Variants in TACR3 observed in about 807,000 individuals in gnomAD.
The protein encoded by TACR3 is tachykinin receptor 3.
TACR3 carries 34 observed loss-of-function variants against 35.0 expected under a neutral mutation model. The observed-to-expected ratio is 0.97, with a 90% confidence interval of 0.74 to 1.30. The LOEUF is 1.30. Among genes scored for constraint, TACR3 ranks in the 50% most tolerant of loss-of-function variants. TACR3 has a pLI of 0.00. For missense variants in TACR3, 558 were observed against 591.7 expected, an observed-to-expected ratio of 0.94 and a Z score of 0.59; for synonymous variants, 233 against 221.1, an observed-to-expected ratio of 1.05 and a Z score of -0.48.
rs540703874 is a variant in TACR3 at position 103,706,016 on chromosome 4, G to A, written c.548+13112C>T. On this transcript the variant is annotated intron_variant, in intron 1 of 4. Coordinates refer to ENST00000304883, the MANE Select transcript of TACR3 (RefSeq NM_001059.3). ...ATTAGGGTAGGTTAAGCCTGGATGC[G>A]GGGAGACCAATTAGGCAATTTTAGT... 1.3e-4 allele frequency among the ~76,000 whole-genome samples: 20 copies of A among 152,246 alleles called. No homozygotes were observed. In the South Asian group the frequency reaches 1.7e-3, roughly 13 times the overall value.
At chr4:103,652,166 G>A (rs1284857398) in intron 3 of TACR3, among the ~76,000 whole-genome samples, 1 of 152,088 alleles carries the variant, frequency 6.6e-6, no homozygotes, top group Non-Finnish European at 1.5e-5. Flanking sequence ...GACTCACATA[G>A]GAGTTGCGGT....
At position 103,681,245 on chromosome 4, in the gene TACR3, G is replaced by A. The variant is rs114107275; in HGVS notation, c.549-22842C>T. On this transcript the variant is annotated intron_variant, in intron 1 of 4. Transcript: ENST00000304883. ...AACAAATACAAAGTCACATTCCTAC[G>A]TGTTATGAAGGATCTCTCAATTCCA... 8.2e-3 allele frequency among the ~76,000 whole-genome samples: 1,243 copies of A among 151,976 alleles called. 20 individuals are homozygous for A. Among genetic ancestry groups the A allele is most frequent in the African/African-American group, 0.029 (1,187 of 41,520 alleles).
At chr4:103,671,087 A>G (rs1170319835) in intron 1 of TACR3, among the ~76,000 whole-genome samples, 1 of 151,890 alleles carries the variant, frequency 6.6e-6, no homozygotes, top group African/African-American at 2.4e-5. Context: ...TTTGTCTTTC[A>G]TTCTGTTGAT....
At chr4:103,696,748 C>A (rs1578261508) in intron 1 of TACR3, among the ~76,000 whole-genome samples, 1 of 152,168 alleles carries the variant, frequency 6.6e-6, no homozygotes, top group African/African-American at 2.4e-5. Flanking sequence ...GGCTGCGAAT[C>A]TAGAATCTGA....
intron 1 of TACR3, among the ~76,000 whole-genome samples, chr4:103,671,502 T>C (rs1438731171): frequency 6.6e-6 from 1 of 152,028 alleles, no homozygotes. Context: ...TATTTCTTTA[T>C]GGTTCAATAT....
intron 1 of TACR3, among the ~76,000 whole-genome samples, chr4:103,677,133 G>A (rs976061258): frequency 3.3e-5 from 5 of 152,136 alleles, no homozygotes; most frequent in African/African-American, 1.2e-4. Flanking sequence ...GATCATTAGA[G>A]AAATGCATAT....
chr4:103,703,365 T>C (rs1722707187), intron 1 of TACR3, among the ~76,000 whole-genome samples: 1 of 152,236 alleles, frequency 6.6e-6, no homozygotes, highest in African/African-American at 2.4e-5. Context: ...CATTATTTGG[T>C]TTTGTGTGAA....
chr4:103,670,197 G>A (rs1726026998), intron 1 of TACR3, among the ~76,000 whole-genome samples: 2 of 151,996 alleles, frequency 1.3e-5, no homozygotes, highest in Admixed American at 1.3e-4. Flanking sequence ...CTATGTGTCT[G>A]TTCTTATGAC....
intron 1 of TACR3, among the ~76,000 whole-genome samples, chr4:103,686,173 CA>C (rs1046536759): frequency 3.3e-5 from 5 of 152,286 alleles, no homozygotes; most frequent in African/African-American, 1.2e-4. Context: ...CTGATGCATG[CA>C]CAGGGCTGTG....
intron 1 of TACR3, among the ~76,000 whole-genome samples, chr4:103,668,039 C>T (rs189010896): frequency 2.8e-4 from 42 of 152,150 alleles, no homozygotes; most frequent in African/African-American, 1.0e-3. Context: ...ACCATGTTGT[C>T]CAGGCTGGTC....
intron 1 of TACR3, among the ~76,000 whole-genome samples, chr4:103,710,118 G>C (rs1170125073): frequency 6.6e-6 from 1 of 152,042 alleles, no homozygotes; most frequent in Non-Finnish European, 1.5e-5. Context: ...AGTTAACAAG[G>C]GTATCCAGGA....
intron 3 of TACR3, among the ~76,000 whole-genome samples, chr4:103,620,411 C>T (rs567027308): frequency 6.6e-6 from 1 of 152,250 alleles, no homozygotes; most frequent in South Asian, 2.1e-4. Flanking sequence ...ACTGGGTACA[C>T]CAAAGAAAAT....
At chr4:103,613,862 G>A (rs1724567932) in intron 3 of TACR3, among the ~76,000 whole-genome samples, 1 of 151,988 alleles carries the variant, frequency 6.6e-6, no homozygotes, top group Non-Finnish European at 1.5e-5. Context: ...TTTTGGTACA[G>A]GAGGAGAGGG....
At chr4:103,612,696 A>T (rs969745200) in intron 3 of TACR3, among the ~76,000 whole-genome samples, 1 of 151,884 alleles carries the variant, frequency 6.6e-6, no homozygotes, top group Admixed American at 6.6e-5. Flanking sequence ...TTTAGTAGAG[A>T]TTGGGATCTC....
chr4:103,586,759 A>C lies in TACR3; in HGVS notation c.*2923T>G, dbSNP rs1723779367. On this transcript the variant is annotated 3_prime_UTR_variant, in exon 5 of 5. Coordinates refer to ENST00000304883, the MANE Select transcript of TACR3 (RefSeq NM_001059.3). ...GCAACAGTGTGCTGTACTTGGTAAA[A>C]AATAAAAAAGTGTGAGAGTGAATTC... 1 of 151,598 alleles carries C rather than the reference A, an allele frequency of 6.6e-6. No homozygotes were observed. Among genetic ancestry groups the C allele is most frequent in the Non-Finnish European group, 1.5e-5 (1 of 68,026 alleles). The allele number at this position is 151,598 out of a possible 1,614,324, so 9.4% of individuals were successfully genotyped here.
Position 103,650,859 on chromosome 4 carries a change from TCTC to T in TACR3, c.888+5332_888+5334del, listed in dbSNP as rs1560822279. On this transcript the variant is annotated intron_variant, in intron 3 of 4. Coordinates refer to ENST00000304883, the MANE Select transcript of TACR3 (RefSeq NM_001059.3). ...TATCTTATATATAATAATATATATA[TCTC>T]ATATATAATAATATATATATCTTAT... 1.2e-3 allele frequency among the ~76,000 whole-genome samples: 47 copies of T among 39,680 alleles called. 10 individuals are homozygous for T. The highest frequency in any genetic ancestry group is 5.6e-3 in the African/African-American group (40 of 7,134). 26.0% of individuals were successfully genotyped at this position (39,680 alleles called of 152,430 possible).
intron 3 of TACR3, among the ~76,000 whole-genome samples, chr4:103,614,721 T>C: frequency 7.2e-6 from 1 of 139,466 alleles, no homozygotes; most frequent in East Asian, 2.0e-4. Context: ...TTATGAAGAC[T>C]AAATGAAAAT....
At chr4:103,708,678 G>T (rs918928702) in intron 1 of TACR3, among the ~76,000 whole-genome samples, 1 of 152,220 alleles carries the variant, frequency 6.6e-6, no homozygotes, top group Non-Finnish European at 1.5e-5. Flanking sequence ...CAAGTTGAGA[G>T]AAGAAGCCTT....
chr4:103,685,844 A>T (rs898051887), intron 1 of TACR3, among the ~76,000 whole-genome samples: 1 of 152,060 alleles, frequency 6.6e-6, no homozygotes, highest in Admixed American at 6.6e-5. Flanking sequence ...TTCCATGTCT[A>T]CCTCTCCCTT....
Sources: allele counts gnomAD v4.1 joint callset (sites outside exome capture counted in the v4.1 genomes callset), GRCh38; gene constraint gnomAD v4.1.1; transcripts MANE v1.5; gene names NCBI Gene and HGNC (gene_info 2026-07-23, HGNC 2026-07-21).